RRP15: variants seen among roughly 807,000 people sequenced by gnomAD.
RRP15 encodes the protein RRP15-like protein.
Under a neutral mutation model 27.1 loss-of-function variants are expected in RRP15, and 18 were observed. The observed-to-expected ratio is 0.66, with a 90% CI of 0.46 to 0.98. The LOEUF is 0.98. Among genes scored for constraint, RRP15 ranks in the 50% least tolerant of loss-of-function variants. The probability of loss-of-function intolerance (pLI) is 0.00; values close to 1 mark genes in which losing one functional copy is unlikely to be tolerated. For synonymous variants in RRP15, 107 were observed against 109.4 expected (o/e 0.98, Z 0.14); for missense variants, 359 against 337.8 (o/e 1.06, Z -0.49).
At chr1:218,300,249 T>A (rs1655789005) in intron 1 of RRP15, among the ~76,000 whole-genome samples, 1 of 152,212 alleles carries the variant, frequency 6.6e-6, no homozygotes, top group Non-Finnish European at 1.5e-5. Flanking sequence ...TGTTTTAAGA[T>A]CATGCTTTTA....
chr1:218,335,036 A>G lies in RRP15; in HGVS notation c.*3945A>G, dbSNP rs1422117464. 6.6e-6 allele frequency: 1 copy of G among 152,204 alleles called. No individual in the cohort carries two copies. The highest frequency in any genetic ancestry group is 2.4e-5 in the African/African-American group (1 of 41,450). 9.4% of individuals were successfully genotyped at this position (152,204 alleles called of 1,614,324 possible). ...TGAGGTGGTTGACAAGACATTTAGAATTGTGATTAATGTTTTAATAAAATG... is the reference window on the plus strand; with the variant it reads ...TGAGGTGGTTGACAAGACATTTAGAGTTGTGATTAATGTTTTAATAAAATG... On this transcript the variant is annotated 3_prime_UTR_variant, in exon 5 of 5. Transcript: ENST00000366932.
chr1:218,292,605 G>T (rs984421010), intron 1 of RRP15, among the ~76,000 whole-genome samples: 1 of 152,188 alleles, frequency 6.6e-6, no homozygotes, highest in African/African-American at 2.4e-5. Context: ...GTATTGATTT[G>T]GGGTTACGAA....
intron 1 of RRP15, among the ~76,000 whole-genome samples, chr1:218,287,046 TC>T (rs1460029436): frequency 6.7e-6 from 1 of 150,068 alleles, no homozygotes; most frequent in East Asian, 2.0e-4. Flanking sequence ...CTTGACCTCC[TC>T]CCCCACCGCC....
At chr1:218,291,485 T>G (rs969326063) in intron 1 of RRP15, among the ~76,000 whole-genome samples, 2 of 140,090 alleles carry the variant, frequency 1.4e-5, no homozygotes, top group African/African-American at 5.2e-5. Context: ...ACTCTGAGAT[T>G]AAAGAAAAAG....
rs751165551 is a variant in RRP15, at chr1:218,305,048, G to T, written c.426G>T (p.Trp142Cys). ...CGCAGCGTGATAAGAGGCTGGAGTG[G>T]GAAATGATGTGCAGAGTAAAGCCAG... ...KIKQRDKRLE[W>C]EMMCRVKPDV... Residue 142 changes from tryptophan to cysteine, a missense_variant, in exon 3 of 5, where the codon TGG (tryptophan) becomes TGT (cysteine). By Grantham distance (215) the Trp-to-Cys change is radical. Coordinates refer to ENST00000366932, the MANE Select transcript of RRP15 (RefSeq NM_016052.4). 38 of 1,613,574 alleles carry T rather than the reference G, an allele frequency of 2.4e-5. No individual in the cohort carries two copies. The highest frequency in any genetic ancestry group is 8.3e-5 in the Admixed American group (5 of 59,968).
chr1:218,306,007 A>G (rs1655893633), intron 3 of RRP15, among the ~76,000 whole-genome samples: 1 of 152,152 alleles, frequency 6.6e-6, no homozygotes, highest in Non-Finnish European at 1.5e-5. Context: ...TGATAATTAA[A>G]TGGATTAATA....
intron 4 of RRP15, among the ~76,000 whole-genome samples, chr1:218,310,848 A>C (rs1389021011): frequency 1.3e-5 from 2 of 152,006 alleles, no homozygotes; most frequent in Admixed American, 1.3e-4. Context: ...TCCTGGGTTC[A>C]AGCGATTCTC....
At chr1:218,312,740 G>A (rs1656023226) in intron 4 of RRP15, among the ~76,000 whole-genome samples, 1 of 152,056 alleles carries the variant, frequency 6.6e-6, no homozygotes, top group African/African-American at 2.4e-5. Context: ...TGACTCAGGA[G>A]GAAAGTACTT....
chr1:218,307,517 A>G lies in RRP15; in HGVS notation c.590A>G (p.Lys197Arg). 6.2e-7 allele frequency: 1 copy of G among 1,614,024 alleles called. No individual in the cohort carries two copies. The highest frequency in any genetic ancestry group is 8.5e-7 in the Non-Finnish European group (1 of 1,179,926). ...KVKEAGSSMR[K>R]RAKLISTVSK... The stretch of plus-strand genomic sequence containing the variant: ...AAGGAAGCTGGAAGTTCTATGAGAA[A>G]GCGTGCTAAGTTGATATCAACTGTT... Residue 197 changes from lysine to arginine, a missense_variant, in exon 4 of 5, where the codon AAG becomes AGG. Lys to Arg is a conservative substitution (Grantham distance 26). Transcript: ENST00000366932.
intron 4 of RRP15, among the ~76,000 whole-genome samples, chr1:218,312,565 C>G (rs138667328): frequency 6.6e-6 from 1 of 151,902 alleles, no homozygotes; most frequent in Admixed American, 6.6e-5. Flanking sequence ...AGATTTGGTT[C>G]TATGGAATGA....
At chr1:218,323,557 C>T (rs1199490841) in intron 4 of RRP15, among the ~76,000 whole-genome samples, 2 of 152,204 alleles carry the variant, frequency 1.3e-5, no homozygotes, top group African/African-American at 2.4e-5. Context: ...GCCCGGTCCC[C>T]AGGCTTCGGG....
intron 4 of RRP15, among the ~76,000 whole-genome samples, chr1:218,324,369 A>T (rs1280558702): frequency 6.6e-6 from 1 of 152,156 alleles, no homozygotes; most frequent in Admixed American, 6.5e-5. Context: ...CGCGGCCGGC[A>T]GTGAGGTTGA....
intron 2 of RRP15, 127 bp downstream of exon 2, chr1:218,302,686 G>A: frequency 7.1e-7 from 1 of 1,401,430 alleles, no homozygotes. Flanking sequence ...TTATGTGAAG[G>A]TGGATAACTA....
intron 4 of RRP15, among the ~76,000 whole-genome samples, chr1:218,314,990 C>CAAA (rs76826029): frequency 4.9e-5 from 3 of 61,770 alleles, no homozygotes; most frequent in Admixed American, 1.8e-4. Flanking sequence ...GGCTCCATCT[C>CAAA]AAAAAAAAAA....
At chr1:218,308,686 A>G (rs1233409155) in intron 4 of RRP15, among the ~76,000 whole-genome samples, 1 of 152,190 alleles carries the variant, frequency 6.6e-6, no homozygotes, top group Non-Finnish European at 1.5e-5. Flanking sequence ...AAAGTTTTTG[A>G]ATCTACTTGT....
intron 4 of RRP15, among the ~76,000 whole-genome samples, chr1:218,314,610 C>A (rs1656050997): frequency 6.6e-6 from 1 of 151,882 alleles, no homozygotes; most frequent in Non-Finnish European, 1.5e-5. Context: ...TTTGAAATTG[C>A]CAATATATCA....
At chr1:218,314,826 A>G (rs61823383) in intron 4 of RRP15, among the ~76,000 whole-genome samples, 23,421 of 151,588 alleles carry the variant, frequency 0.15, 2,291 homozygotes, top group Non-Finnish European at 0.21. Context: ...CCCCGTCTCT[A>G]CTAAAAAATA....
chr1:218,291,060 G>A (rs1253639921), intron 1 of RRP15, among the ~76,000 whole-genome samples: 1 of 151,950 alleles, frequency 6.6e-6, no homozygotes, highest in Admixed American at 6.6e-5. Context: ...GGTTGCTTGA[G>A]CCTGGGAGTT....
rs144621051 is a variant in RRP15 at position 218,337,510 on chromosome 1, G to T, written c.*6419G>T. On this transcript the variant is annotated 3_prime_UTR_variant, in exon 5 of 5. Coordinates refer to ENST00000366932, the MANE Select transcript of RRP15 (RefSeq NM_016052.4). The stretch of plus-strand genomic sequence containing the variant: ...GTCTTCTGTCAATTCCTTTTAAAAT[G>T]ATGGTTGTGAAGACTGATGAAAACA... 4.6e-5 allele frequency: 7 copies of T among 152,176 alleles called. No homozygotes were observed. Among genetic ancestry groups the T allele is most frequent in the Non-Finnish European group, 1.0e-4 (7 of 68,028 alleles). 9.4% of individuals were successfully genotyped at this position (152,176 alleles called of 1,614,324 possible).
Sources: gnomAD v4.1 joint callset for allele counts (sites outside exome capture counted in the v4.1 genomes callset) on GRCh38, gnomAD v4.1.1 for gene constraint, MANE v1.5 for transcripts, NCBI Gene and HGNC (gene_info 2026-07-23, HGNC 2026-07-21) for gene names.